MORC1: variants seen among roughly 807,000 people sequenced by gnomAD.
MORC1 encodes the protein MORC family CW-type zinc finger 1.
MORC1 carries 59 observed loss-of-function variants against 134.9 expected under a neutral mutation model. That is an observed-to-expected ratio of 0.44 (90% CI 0.35 to 0.54). The LOEUF (loss-of-function observed/expected upper bound fraction) is 0.54, where lower values mean the gene tolerates loss of function less well. Ranked by LOEUF, MORC1 falls within the 20% of genes least tolerant of loss-of-function variation. MORC1 has a pLI of 0.00. For synonymous variants in MORC1, 395 were observed against 391.7 expected (o/e 1.01, Z -0.10); for missense variants, 947 against 1,134.5 (o/e 0.83, Z 2.37).
In MORC1 at chr3:108,981,391, G is replaced by A. The variant is rs189549779; in HGVS notation, c.2325-1724C>T. ...TGTCTAACTTTGCTGATTTTTTTAA[G>A]ATTAAGAACATTATATAAACTAATG... On this transcript the variant is annotated intron_variant, in intron 23 of 27. Transcript: ENST00000232603. Among the ~76,000 whole-genome samples the A allele has an allele frequency of 9.9e-5, 15 of 152,166 alleles. No individual in the cohort carries two copies. In the East Asian group the frequency reaches 2.9e-3, roughly 29 times the overall value.
chr3:109,031,709 G>A (rs1335910009), intron 16 of MORC1, among the ~76,000 whole-genome samples: 2 of 152,114 alleles, frequency 1.3e-5, no homozygotes, highest in Non-Finnish European at 2.9e-5. Context: ...ACGGTCCCTG[G>A]AGCTCTAGGC....
intron 5 of MORC1, 98 bp downstream of exon 5, chr3:109,100,319 T>G: frequency 1.0e-6 from 1 of 977,536 alleles, no homozygotes; most frequent in Non-Finnish European, 1.6e-6. Context: ...TATATATTTT[T>G]TAAAGCTTTA....
intron 17 of MORC1, among the ~76,000 whole-genome samples, chr3:109,016,753 A>ACTGGGGAAG (rs1948823980): frequency 6.6e-6 from 1 of 152,168 alleles, no homozygotes; most frequent in Admixed American, 6.5e-5. Context: ...AATCCCAGCT[A>ACTGGGGAAG]CTGGGGAAGC....
intron 27 of MORC1, among the ~76,000 whole-genome samples, chr3:108,962,918 AAAAGT>A (rs1947119664): frequency 6.6e-6 from 1 of 152,176 alleles, no homozygotes; most frequent in Non-Finnish European, 1.5e-5. Flanking sequence ...GCATTAAAAT[AAAAGT>A]AAAGTAAAAT....
chr3:108,985,234 A>G (rs1274644725), intron 22 of MORC1, among the ~76,000 whole-genome samples: 1 of 152,192 alleles, frequency 6.6e-6, no homozygotes, highest in Non-Finnish European at 1.5e-5. Flanking sequence ...AGAGACCTAG[A>G]GTCATTTAGT....
intron 9 of MORC1, among the ~76,000 whole-genome samples, chr3:109,069,115 C>T (rs917338409): frequency 6.6e-6 from 1 of 152,178 alleles, no homozygotes; most frequent in African/African-American, 2.4e-5. Context: ...AAGATTGTGC[C>T]ACTGCACTCC....
intron 24 of MORC1, among the ~76,000 whole-genome samples, chr3:108,973,198 C>T (rs897060384): frequency 6.6e-6 from 1 of 152,192 alleles, no homozygotes; most frequent in African/African-American, 2.4e-5. Flanking sequence ...TACTAAAACA[C>T]CTTTGACCTT....
At chr3:109,099,607 A>ATT in intron 5 of MORC1, 141 bp from the exon 6 acceptor site, 185 of 468,918 alleles carry the variant, frequency 3.9e-4, no homozygotes, top group Middle Eastern at 6.2e-4. Context: ...AGAGGGTACA[A>ATT]TTTTTTTTTT....
In MORC1 at chr3:109,069,162, C is replaced by A. The variant is rs139934440; in HGVS notation, c.815+470G>T. Among the ~76,000 whole-genome samples the A allele has an allele frequency of 5.1e-3, 779 of 152,112 alleles. 17 individuals are homozygous for A. The highest frequency in any genetic ancestry group is 0.018 in the African/African-American group (747 of 41,494). Reference sequence around the variant, plus strand: ...CAAGAGAGACTCTGTCTCAAAACAACAACAACAAAACCTTGAAAACATTTA... The same window carrying A: ...CAAGAGAGACTCTGTCTCAAAACAAAAACAACAAAACCTTGAAAACATTTA... On this transcript the variant is annotated intron_variant, in intron 9 of 27. Coordinates refer to ENST00000232603, the MANE Select transcript of MORC1 (RefSeq NM_014429.4).
chr3:108,981,815 CT>C (rs112263799), intron 23 of MORC1, among the ~76,000 whole-genome samples: 14 of 152,136 alleles, frequency 9.2e-5, no homozygotes, highest in African/African-American at 3.1e-4. Flanking sequence ...AGAAGAAAAC[CT>C]AGGCAATACC....
intron 14 of MORC1, among the ~76,000 whole-genome samples, chr3:109,050,435 A>G (rs1460588163): frequency 1.3e-5 from 2 of 152,160 alleles, no homozygotes. Flanking sequence ...AGAAGGGGAT[A>G]AGGGGTCTCT....
chr3:108,966,477 C>G (rs1426543652), intron 26 of MORC1, among the ~76,000 whole-genome samples: 1 of 152,076 alleles, frequency 6.6e-6, no homozygotes, highest in Non-Finnish European at 1.5e-5. Context: ...CTATTAAGAT[C>G]CAGATGCATT....
At chr3:109,044,964 AAAG>A (rs1949656610) in intron 14 of MORC1, among the ~76,000 whole-genome samples, 1 of 151,924 alleles carries the variant, frequency 6.6e-6, no homozygotes, top group African/African-American at 2.4e-5. Flanking sequence ...AAAAAAAGAA[AAAG>A]AAATACAACA....
chr3:109,003,276 T>C (rs569188591), intron 20 of MORC1, among the ~76,000 whole-genome samples: 9 of 151,594 alleles, frequency 5.9e-5, no homozygotes, highest in South Asian at 4.2e-4. Context: ...TATATATATA[T>C]ACACACACAG....
intron 26 of MORC1, among the ~76,000 whole-genome samples, chr3:108,964,788 T>C (rs927029113): frequency 6.6e-6 from 1 of 152,214 alleles, no homozygotes; most frequent in Non-Finnish European, 1.5e-5. Flanking sequence ...AAGGACCTTG[T>C]GCCCCCAAGA....
At chr3:109,087,346 G>T (rs1950633704) in intron 8 of MORC1, among the ~76,000 whole-genome samples, 1 of 152,026 alleles carries the variant, frequency 6.6e-6, no homozygotes, top group South Asian at 2.1e-4. Context: ...CAGCCCAAAA[G>T]CTCCTTCGGC....
intron 14 of MORC1, among the ~76,000 whole-genome samples, chr3:109,053,482 G>C (rs1040457184): frequency 5.3e-5 from 8 of 151,952 alleles, no homozygotes; most frequent in African/African-American, 1.9e-4. Context: ...CAGCAACATG[G>C]ATGCAGCTAG....
intron 8 of MORC1, among the ~76,000 whole-genome samples, chr3:109,090,715 G>A (rs1321082570): frequency 1.3e-5 from 2 of 151,128 alleles, no homozygotes; most frequent in Admixed American, 6.6e-5. Context: ...AGGCCAATAC[G>A]GCTTGAAAGT....
intron 5 of MORC1, among the ~76,000 whole-genome samples, chr3:109,099,862 T>G (rs1222973428): frequency 6.6e-6 from 1 of 152,200 alleles, no homozygotes; most frequent in Admixed American, 6.5e-5. Flanking sequence ...AACAAAGCAC[T>G]AAAGTACAGG....
Sources: allele counts gnomAD v4.1 joint callset (sites outside exome capture counted in the v4.1 genomes callset), GRCh38; gene constraint gnomAD v4.1.1; transcripts MANE v1.5; gene names NCBI Gene and HGNC (gene_info 2026-07-23, HGNC 2026-07-21).